The following RPN2 variants were observed in gnomAD, a reference collection of about 807,000 sequenced individuals.
RPN2 encodes dolichyl-diphosphooligosaccharide--protein glycosyltransferase subunit 2.
Under a neutral mutation model 71.4 loss-of-function variants are expected in RPN2, and 29 were observed. That is an observed-to-expected ratio of 0.41 (90% CI 0.30 to 0.55). The LOEUF (loss-of-function observed/expected upper bound fraction) is 0.55, where lower values mean the gene tolerates loss of function less well. Ranked by LOEUF, RPN2 falls within the 20% of genes least tolerant of loss-of-function variation. The pLI, the probability that RPN2 is intolerant of heterozygous loss-of-function variation, is 0.35. For synonymous variants in RPN2, 308 were observed against 305.0 expected, an observed-to-expected ratio of 1.01 and a Z score of -0.10; for missense variants, 726 against 774.1, an observed-to-expected ratio of 0.94 and a Z score of 0.74.
intron 9 of RPN2, among the ~76,000 whole-genome samples, chr20:37,221,901 A>C (rs766789744): frequency 6.6e-6 from 1 of 152,202 alleles, no homozygotes; most frequent in East Asian, 1.9e-4. Context: ...CACTTTGTAC[A>C]TCCATTAAAG....
At chr20:37,232,507 A>G in intron 14 of RPN2, 116 bp downstream of exon 14, 2 of 1,238,152 alleles carry the variant, frequency 1.6e-6, no homozygotes, top group Non-Finnish European at 1.2e-6. Flanking sequence ...GGGGTCCAGC[A>G]GCTGTGACCT....
chr20:37,179,584 G>T, intron 1 of RPN2: 2 of 1,257,250 alleles, frequency 1.6e-6, no homozygotes, highest in Non-Finnish European at 2.1e-6. Context: ...CTGGGGGAGG[G>T]GTGCAGCGCG....
intron 2 of RPN2, among the ~76,000 whole-genome samples, chr20:37,197,510 A>G (rs2067279975): frequency 6.6e-6 from 1 of 152,154 alleles, no homozygotes; most frequent in Admixed American, 6.5e-5. Context: ...GATGGTTCCC[A>G]TGTTTCTGGT....
At chr20:37,232,246 C>T (rs1363746770) in intron 13 of RPN2, 50 bp from the exon 14 acceptor site, 1 of 1,608,676 alleles carries the variant, frequency 6.2e-7, no homozygotes, top group Non-Finnish European at 8.5e-7. Flanking sequence ...CATGGCTGCC[C>T]CTACTGGGAA....
chr20:37,217,548 C>T (rs1273707617), intron 9 of RPN2, among the ~76,000 whole-genome samples: 1 of 152,016 alleles, frequency 6.6e-6, no homozygotes, highest in African/African-American at 2.4e-5. Context: ...GCCTCGGCCT[C>T]CCAAAATGCT....
chr20:37,181,431 CTTT>C (rs748226554), intron 1 of RPN2, among the ~76,000 whole-genome samples: 6 of 129,428 alleles, frequency 4.6e-5, no homozygotes, highest in African/African-American at 2.9e-5. Context: ...TTTTTCTTTT[CTTT>C]TTTTTTTTTT....
intron 9 of RPN2, among the ~76,000 whole-genome samples, chr20:37,221,558 T>A (rs1363853185): frequency 6.6e-6 from 1 of 152,216 alleles, no homozygotes; most frequent in African/African-American, 2.4e-5. Context: ...TTTCTTTATT[T>A]AGCTAGTCTT....
chr20:37,198,500 C>G lies in RPN2; in HGVS notation c.303+8C>G, dbSNP rs201883402. On this transcript the variant is annotated splice_region_variant and intron_variant, in intron 3 of 16. Coordinates refer to ENST00000237530, the MANE Select transcript of RPN2 (RefSeq NM_002951.5). Reference sequence around the variant, plus strand: ...GCCCTCTCAGGATGTGAGGTGAGTCCGGGTTCCTACGCTGACAATGACTTT... The same window carrying G: ...GCCCTCTCAGGATGTGAGGTGAGTCGGGGTTCCTACGCTGACAATGACTTT... 6.2e-7 allele frequency: 1 copy of G among 1,613,980 alleles called. No individual in the cohort carries two copies. Among genetic ancestry groups the G allele is most frequent in the East Asian group, 2.2e-5 (1 of 44,890 alleles).
At position 37,232,371 on chromosome 20, in the gene RPN2, T is replaced by A; in HGVS notation, c.1657T>A (p.Leu553Met). The change falls in exon 14 of 17, where the codon TTG becomes ATG. Residue 553 changes from leucine to methionine, a missense_variant. Coordinates refer to ENST00000237530, the MANE Select transcript of RPN2 (RefSeq NM_002951.5). ...NTFTALILSP[L>M]LLLFALWIRI... ...ATTCACTGCCCTGATCCTCTCGCCG[T>A]TGCTTCTGCTCTTCGCTCTGGTGAG... 6.2e-7 allele frequency: 1 copy of A among 1,614,196 alleles called. No individual in the cohort carries two copies. Among genetic ancestry groups the A allele is most frequent in the Admixed American group, 1.7e-5 (1 of 60,022 alleles).
chr20:37,234,162 C>A, intron 15 of RPN2, 67 bp downstream of exon 15: 3 of 1,495,494 alleles, frequency 2.0e-6, no homozygotes, highest in African/African-American at 1.4e-5. Context: ...CGCAAAAGCC[C>A]TGTTAAGTAG....
At position 37,241,451 on chromosome 20, in the gene RPN2, T is replaced by C. The variant is rs1417497131; in HGVS notation, c.*136T>C. 8 of 1,080,402 alleles carry C rather than the reference T, an allele frequency of 7.4e-6. No homozygotes were observed. The highest frequency in any genetic ancestry group is 9.5e-6 in the Non-Finnish European group (7 of 738,014). The allele number at this position is 1,080,402 out of a possible 1,614,324, so 66.9% of individuals were successfully genotyped here. A position where few individuals can be genotyped will look rare whatever the true frequency, so the allele number is the denominator to read the frequency against. Reference sequence around the variant, plus strand: ...AAAAGTCCAGATTGTAGTTATACTTTTGCTTGTTTTTCAGTTTCCCCAACA... The same window carrying C: ...AAAAGTCCAGATTGTAGTTATACTTCTGCTTGTTTTTCAGTTTCCCCAACA... On this transcript the variant is annotated 3_prime_UTR_variant, in exon 17 of 17. Coordinates refer to ENST00000237530, the MANE Select transcript of RPN2 (RefSeq NM_002951.5).
At chr20:37,226,725 A>G (rs1437102914) in intron 11 of RPN2, among the ~76,000 whole-genome samples, 1 of 152,068 alleles carries the variant, frequency 6.6e-6, no homozygotes, top group Non-Finnish European at 1.5e-5. Context: ...TATTTAAAAG[A>G]TTTTCAAACC....
At chr20:37,217,525 T>TCA in intron 9 of RPN2, among the ~76,000 whole-genome samples, 5 of 151,586 alleles carry the variant, frequency 3.3e-5, no homozygotes, top group African/African-American at 9.7e-5. Context: ...TCTCTTGACC[T>TCA]TGTGATCCGC....
chr20:37,235,259 T>C (rs574766910), intron 15 of RPN2, among the ~76,000 whole-genome samples: 1 of 152,368 alleles, frequency 6.6e-6, no homozygotes, highest in African/African-American at 2.4e-5. Flanking sequence ...TTCCTGGATA[T>C]GTATGATAGC....
At chr20:37,224,072 C>A in intron 10 of RPN2, 103 bp downstream of exon 10, 1 of 916,920 alleles carries the variant, frequency 1.1e-6, no homozygotes, top group Non-Finnish European at 1.8e-6. Context: ...GTGTCAGCAG[C>A]CATCCAGCTT....
intron 9 of RPN2, among the ~76,000 whole-genome samples, chr20:37,222,396 A>C (rs1243010899): frequency 1.5e-5 from 1 of 67,178 alleles, no homozygotes; most frequent in African/African-American, 5.3e-5. Context: ...AAACCTTTAC[A>C]GTTTTTTTTT....
chr20:37,230,726 T>A (rs1215287446), intron 13 of RPN2, among the ~76,000 whole-genome samples: 1 of 152,184 alleles, frequency 6.6e-6, no homozygotes, highest in African/African-American at 2.4e-5. Flanking sequence ...GACTACCTGC[T>A]GTCATTCCAC....
At chr20:37,213,962 C>T (rs1026980697) in intron 9 of RPN2, 97 bp downstream of exon 9, 16 of 916,484 alleles carry the variant, frequency 1.7e-5, no homozygotes, top group Non-Finnish European at 2.5e-5. Context: ...TGACTTTTCT[C>T]TACAACCAAG....
intron 2 of RPN2, among the ~76,000 whole-genome samples, chr20:37,191,391 G>A (rs984173993): frequency 4.0e-5 from 6 of 151,896 alleles, no homozygotes; most frequent in African/African-American, 1.5e-4. Flanking sequence ...CAGGAGAATT[G>A]CTTGAACCCA....
Sources: gnomAD v4.1 joint callset for allele counts (sites outside exome capture counted in the v4.1 genomes callset) on GRCh38, gnomAD v4.1.1 for gene constraint, MANE v1.5 for transcripts, NCBI Gene and HGNC (gene_info 2026-07-23, HGNC 2026-07-21) for gene names.